The following BAZ2B variants were observed in gnomAD, a reference collection of about 807,000 sequenced individuals.
BAZ2B encodes bromodomain adjacent to zinc finger domain protein 2B.
BAZ2B carries 91 observed loss-of-function variants against 246.0 expected under a neutral mutation model. The ratio of observed to expected loss-of-function variants is 0.37; its 90% confidence interval spans 0.31 to 0.44. The LOEUF is 0.44. Among genes scored for constraint, BAZ2B ranks in the 20% least tolerant of loss-of-function variants. The pLI is 1.00. For synonymous variants in BAZ2B, 855 were observed against 860.0 expected, an observed-to-expected ratio of 0.99 and a Z score of 0.10; for missense variants, 2,332 against 2,533.7, an observed-to-expected ratio of 0.92 and a Z score of 1.71.
At chr2:159,467,338 GAGA>G (rs2077194967) in intron 3 of BAZ2B, among the ~76,000 whole-genome samples, 1 of 152,204 alleles carries the variant, frequency 6.6e-6, no homozygotes, top group Admixed American at 6.5e-5. Context: ...GCTCATTGTA[GAGA>G]TGAAGAAGCT....
At chr2:159,462,495 T>A in intron 3 of BAZ2B, 1 of 1,005,276 alleles carries the variant, frequency 9.9e-7, no homozygotes, top group East Asian at 2.4e-5. Flanking sequence ...ACCTTGAATG[T>A]GGTATCTGAC....
At chr2:159,457,388 G>A (rs186174623) in intron 3 of BAZ2B, among the ~76,000 whole-genome samples, 35 of 152,228 alleles carry the variant, frequency 2.3e-4, no homozygotes, top group African/African-American at 7.5e-4. Context: ...AGTACATAAC[G>A]GACATAAAAT....
At chr2:159,621,767 C>T in the BAZ2B span, among the ~76,000 whole-genome samples, 75 of 151,330 alleles carry the variant, frequency 5.0e-4, no homozygotes, top group Non-Finnish European at 3.4e-4. Flanking sequence ...AGCTTGGGAC[C>T]AGCCTGGGCA....
intron 1 of BAZ2B, among the ~76,000 whole-genome samples, chr2:159,586,999 C>T (rs1036194771): frequency 3.3e-5 from 5 of 152,114 alleles, no homozygotes; most frequent in Non-Finnish European, 5.9e-5. Context: ...CCTCACTAAA[C>T]CTAATCATGT....
intron 20 of BAZ2B, among the ~76,000 whole-genome samples, chr2:159,393,628 CT>C (rs77622160): frequency 8.2e-5 from 2 of 24,386 alleles, no homozygotes; most frequent in East Asian, 2.1e-3. Flanking sequence ...ACTTCTGTTT[CT>C]TTTTGCTTAG....
intron 1 of BAZ2B, among the ~76,000 whole-genome samples, chr2:159,558,681 C>A (rs2089494471): frequency 6.6e-6 from 1 of 152,130 alleles, no homozygotes; most frequent in Admixed American, 6.5e-5. Context: ...GAACAGCCAG[C>A]ATAATTTGGC....
intron 1 of BAZ2B, among the ~76,000 whole-genome samples, chr2:159,593,999 A>C (rs778800035): frequency 2.6e-5 from 4 of 152,202 alleles, no homozygotes; most frequent in Admixed American, 6.5e-5. Flanking sequence ...GTTCATTCAC[A>C]ATACTGTGCA....
At chr2:159,439,321 G>A in intron 6 of BAZ2B, 109 bp from the exon 7 acceptor site, 2 of 992,994 alleles carry the variant, frequency 2.0e-6, no homozygotes, top group Non-Finnish European at 3.0e-6. Context: ...ATCTCAAAAT[G>A]TCATTGTAGG....
the BAZ2B span, among the ~76,000 whole-genome samples, chr2:159,696,947 C>T: frequency 3.3e-5 from 5 of 152,118 alleles, no homozygotes; most frequent in East Asian, 1.9e-4. Flanking sequence ...CCACCACACT[C>T]GGCTAATTGT....
At chr2:159,455,969 T>C (rs2075723753) in intron 3 of BAZ2B, among the ~76,000 whole-genome samples, 1 of 152,000 alleles carries the variant, frequency 6.6e-6, no homozygotes, top group Non-Finnish European at 1.5e-5. Context: ...AGTTCTTTTC[T>C]TTCTCCATCA....
intron 1 of BAZ2B, among the ~76,000 whole-genome samples, chr2:159,589,147 T>C (rs928519885): frequency 1.3e-5 from 2 of 152,324 alleles, no homozygotes; most frequent in African/African-American, 4.8e-5. Flanking sequence ...AACACATGGA[T>C]GAAGACTGCT....
the BAZ2B span, among the ~76,000 whole-genome samples, chr2:159,641,848 A>G: frequency 6.6e-6 from 1 of 152,180 alleles, no homozygotes; most frequent in Non-Finnish European, 1.5e-5. Flanking sequence ...CTCAAATATA[A>G]TATTATTTTC....
upstream of BAZ2B, chr2:159,617,140 T>A (rs1013510661): frequency 6.6e-5 from 10 of 152,216 alleles, no homozygotes; most frequent in African/African-American, 2.4e-4. Context: ...CGATAGCTTT[T>A]TTTCAAGTTT....
intron 24 of BAZ2B, 97 bp from the exon 25 acceptor site, chr2:159,382,899 G>T: frequency 1.4e-6 from 2 of 1,454,506 alleles, no homozygotes; most frequent in Non-Finnish European, 1.8e-6. Context: ...ATACCTTATG[G>T]CATTTCTTTT....
the BAZ2B span, among the ~76,000 whole-genome samples, chr2:159,708,779 G>C: frequency 1.3e-4 from 19 of 151,792 alleles, no homozygotes; most frequent in African/African-American, 4.6e-4. Flanking sequence ...GCCTTGCTTT[G>C]TTGCCCACGC....
At chr2:159,662,957 T>C in the BAZ2B span, among the ~76,000 whole-genome samples, 20 of 152,296 alleles carry the variant, frequency 1.3e-4, no homozygotes, top group East Asian at 3.5e-3. Context: ...AAACCATTTA[T>C]ATACCTTCTT....
Position 159,347,508 on chromosome 2 carries a change from G to A in BAZ2B, c.5432C>T (p.Ala1811Val), listed in dbSNP as rs751418705. The change falls in exon 31 of 37, where the codon GCA (alanine) becomes GTA (valine). Residue 1811 changes from alanine to valine, a missense_variant. By Grantham distance (64) the Ala-to-Val change is moderately conservative. This residue lies in a region of BAZ2B where 676 missense variants were observed against 668.6 expected (regional missense o/e 1.01). Coordinates refer to ENST00000392783, the MANE Select transcript of BAZ2B (RefSeq NM_013450.4). ...TACCTTCACTTGCAAACTTGCTGAT[G>A]CAACTCTCCTTTCTAGATCTTCTAC... ...QQVEDLERRV[A>V]SASLQVKGWM... 2 of 1,613,734 alleles carry A rather than the reference G, an allele frequency of 1.2e-6. No homozygotes were observed. Among genetic ancestry groups the A allele is most frequent in the South Asian group, 2.2e-5 (2 of 91,048 alleles).
At chr2:159,706,017 G>C in the BAZ2B span, among the ~76,000 whole-genome samples, 1 of 151,346 alleles carries the variant, frequency 6.6e-6, no homozygotes, top group Non-Finnish European at 1.5e-5. Context: ...GCTTAAATTT[G>C]ATTTCATTTT....
At chr2:159,644,305 T>G in the BAZ2B span, among the ~76,000 whole-genome samples, 1 of 152,212 alleles carries the variant, frequency 6.6e-6, no homozygotes, top group African/African-American at 2.4e-5. Flanking sequence ...GGCAGGTCCC[T>G]AGCAACTCTA....
Sources: gnomAD v4.1 joint callset for allele counts (sites outside exome capture counted in the v4.1 genomes callset) on GRCh38, gnomAD v4.1.1 for gene constraint, gnomAD v4.1.1 regional missense constraint, MANE v1.5 for transcripts, NCBI Gene and HGNC (gene_info 2026-07-23, HGNC 2026-07-21) for gene names.